Variants in LHX4 observed in about 807,000 individuals in gnomAD.
The protein encoded by LHX4 is LIM homeobox 4, also known as LIM/homeobox protein Lhx4.
In LHX4, 16 loss-of-function variants were observed where a neutral mutation model predicts 39.2. The ratio of observed to expected loss-of-function variants is 0.41; its 90% CI spans 0.28 to 0.62. The LOEUF (loss-of-function observed/expected upper bound fraction) is 0.62. LHX4 is among the 20% of genes least tolerant of loss of function. The probability of loss-of-function intolerance (pLI) is 0.33; values close to 1 mark genes in which losing one functional copy is unlikely to be tolerated. For missense variants in LHX4, 439 were observed against 511.9 expected, an observed-to-expected ratio of 0.86 and a Z score of 1.37; for synonymous variants, 206 against 198.1, an observed-to-expected ratio of 1.04 and a Z score of -0.33.
rs568613153 is a variant in LHX4, at chr1:180,232,835, G to A, written c.76+2230G>A. ...TGGGCCCAGTGGCCTAAGAAGGGGG[G>A]AAGCTCGAGGGGTTGTGGGGCACAC... On this transcript the variant is annotated intron_variant, in intron 1 of 5. Coordinates refer to ENST00000263726, the MANE Select transcript of LHX4 (RefSeq NM_033343.4). The surrounding 1 kb of genome is among the most constrained non-coding windows in gnomAD (Gnocchi z 5.4). 9.2e-5 allele frequency among the ~76,000 whole-genome samples: 14 copies of A among 152,348 alleles called. No homozygotes were observed. The South Asian group carries it at 2.9e-3, about 32-fold the overall frequency.
intron 1 of LHX4, among the ~76,000 whole-genome samples, 165 bp from the exon 2 acceptor site, chr1:180,248,120 G>A (rs1284526991): frequency 6.6e-6 from 1 of 152,188 alleles, no homozygotes; most frequent in Non-Finnish European, 1.5e-5. Flanking sequence ...GACTACGTAC[G>A]TTTGTGTGCA....
At chr1:180,253,859 T>G (rs1434788534) in intron 2 of LHX4, among the ~76,000 whole-genome samples, 1 of 152,170 alleles carries the variant, frequency 6.6e-6, no homozygotes, top group Non-Finnish European at 1.5e-5. Flanking sequence ...CCTTGAGAGC[T>G]TCCCATGGAG....
chr1:180,260,379 C>G (rs1333040442), intron 2 of LHX4, among the ~76,000 whole-genome samples: 2 of 151,788 alleles, frequency 1.3e-5, no homozygotes, highest in African/African-American at 4.9e-5. Context: ...TCGGTCCCTG[C>G]AGGGCCTGCC....
intron 1 of LHX4, among the ~76,000 whole-genome samples, chr1:180,243,021 C>G (rs1370249136): frequency 1.3e-5 from 2 of 152,068 alleles, no homozygotes; most frequent in Non-Finnish European, 2.9e-5. Context: ...CATTTTTTTG[C>G]TCTGTCATCC....
chr1:180,237,800 G>T (rs355631), intron 1 of LHX4, among the ~76,000 whole-genome samples: 9,067 of 152,222 alleles, frequency 0.06, 880 homozygotes, highest in African/African-American at 0.21. Flanking sequence ...AAAACTTGCA[G>T]CCAAATTAAT....
At chr1:180,267,732 A>G (rs1357316297) in intron 3 of LHX4, among the ~76,000 whole-genome samples, 2 of 152,174 alleles carry the variant, frequency 1.3e-5, no homozygotes, top group African/African-American at 4.8e-5. Flanking sequence ...ATTAACAACA[A>G]TTTTATGTAT....
At chr1:180,257,005 A>G (rs114310797) in intron 2 of LHX4, among the ~76,000 whole-genome samples, 259 of 152,360 alleles carry the variant, frequency 1.7e-3, no homozygotes, top group African/African-American at 6.0e-3. Context: ...GGTGCATATG[A>G]CATGATCCGT....
intron 1 of LHX4, among the ~76,000 whole-genome samples, chr1:180,245,972 C>G (rs1442232831): frequency 6.6e-6 from 1 of 151,434 alleles, no homozygotes; most frequent in Non-Finnish European, 1.5e-5. Context: ...ATTGACTGGA[C>G]TGCGTATTCC....
chr1:180,259,408 C>T (rs888301900), intron 2 of LHX4, among the ~76,000 whole-genome samples: 3 of 151,378 alleles, frequency 2.0e-5, no homozygotes, highest in Admixed American at 6.6e-5. Flanking sequence ...AGTCTCATTA[C>T]GTGAGAAGGA....
chr1:180,230,395 C>A lies in LHX4; in HGVS notation c.-135C>A. The stretch of plus-strand genomic sequence containing the variant: ...AGCCTGTGGAGTCCTCCCTGAGAAG[C>A]GGAGGGCCCGGCTTCCACCGTGACT... On this transcript the variant is annotated 5_prime_UTR_variant, in exon 1 of 6. Coordinates refer to ENST00000263726, the MANE Select transcript of LHX4 (RefSeq NM_033343.4). The surrounding 1 kb of genome is among the most constrained non-coding windows in gnomAD (Gnocchi z 5.8). 1.3e-6 allele frequency: 1 copy of A among 749,726 alleles called. No individual in the cohort carries two copies. Among genetic ancestry groups the A allele is most frequent in the Non-Finnish European group, 2.3e-6 (1 of 433,734 alleles). 46.4% of individuals were successfully genotyped at this position (749,726 alleles called of 1,614,324 possible).
Position 180,266,303 on chromosome 1 carries a change from G to T in LHX4, c.249-89G>T. The stretch of plus-strand genomic sequence containing the variant: ...GAGGCTCATGGAGTCCCGGAGTGGT[G>T]GGGTAGGAGGGAGGCTGCTCCAGGA... On this transcript the variant is annotated intron_variant, in intron 2 of 5. Transcript: ENST00000263726. The surrounding 1 kb of genome is among the most constrained non-coding windows in gnomAD (Gnocchi z 5.7). The T allele has an allele frequency of 7.8e-7, 1 of 1,275,690 alleles. No individual in the cohort carries two copies. Among genetic ancestry groups the T allele is most frequent in the Non-Finnish European group, 1.1e-6 (1 of 878,950 alleles). 79.0% of individuals were successfully genotyped at this position (1,275,690 alleles called of 1,614,324 possible).
Position 180,266,176 on chromosome 1 carries a change from C to T in LHX4, c.249-216C>T, listed in dbSNP as rs1233474845. 3.3e-5 allele frequency among the ~76,000 whole-genome samples: 5 copies of T among 152,192 alleles called. No individual in the cohort carries two copies. The highest frequency in any genetic ancestry group is 4.8e-5 in the African/African-American group (2 of 41,438). On this transcript the variant is annotated intron_variant, in intron 2 of 5. Coordinates refer to ENST00000263726, the MANE Select transcript of LHX4 (RefSeq NM_033343.4). The surrounding 1 kb of genome is among the most constrained non-coding windows in gnomAD (Gnocchi z 5.7). ...GGTACCTGAGGGAGACTCTAGTTCT[C>T]ATCAGTCCCTTCTTTGGTGGTTGAA...
intron 5 of LHX4, 79 bp downstream of exon 5, chr1:180,272,085 ATC>A (rs1648706750): frequency 1.5e-6 from 2 of 1,371,046 alleles, no homozygotes. Context: ...CTCAGGAGGG[ATC>A]TTTCTTGAGG....
chr1:180,274,405 G>T lies in LHX4; in HGVS notation c.999G>T (p.Thr333=). The part of the protein sequence containing the change: ...HAPLLNGLDY[T]VDSNLGIIAH... ...CTTTGCTCAATGGGCTGGATTACACGGTGGACAGTAATTTGGGCATCATTG... is the reference window on the plus strand; with the variant it reads ...CTTTGCTCAATGGGCTGGATTACACTGTGGACAGTAATTTGGGCATCATTG... Residue 333 remains threonine, a synonymous_variant, in exon 6 of 6, where the codon ACG becomes ACT. Transcript: ENST00000263726. 6.2e-7 allele frequency: 1 copy of T among 1,614,172 alleles called. No homozygotes were observed. The highest frequency in any genetic ancestry group is 8.5e-7 in the Non-Finnish European group (1 of 1,180,040).
At chr1:180,247,660 C>T (rs570077266) in intron 1 of LHX4, among the ~76,000 whole-genome samples, 1 of 152,160 alleles carries the variant, frequency 6.6e-6, no homozygotes, top group Non-Finnish European at 1.5e-5. Flanking sequence ...TCTGCAGCAC[C>T]GGAAGGCACA....
At chr1:180,254,374 G>T (rs1447745291) in intron 2 of LHX4, among the ~76,000 whole-genome samples, 1 of 152,208 alleles carries the variant, frequency 6.6e-6, no homozygotes, top group Admixed American at 6.5e-5. Flanking sequence ...ATCTCCCTCT[G>T]CTCCCCGCGG....
At chr1:180,257,624 C>T (rs1329329652) in intron 2 of LHX4, among the ~76,000 whole-genome samples, 1 of 152,200 alleles carries the variant, frequency 6.6e-6, no homozygotes, top group African/African-American at 2.4e-5. Flanking sequence ...ATATCAGCAA[C>T]TTTCCTGTCA....
At chr1:180,255,070 C>G (rs12089591) in intron 2 of LHX4, among the ~76,000 whole-genome samples, 9,166 of 152,300 alleles carry the variant, frequency 0.06, 963 homozygotes, top group African/African-American at 0.21. Context: ...CCTGTGTGGT[C>G]CAGAGCTGTG....
intron 2 of LHX4, among the ~76,000 whole-genome samples, chr1:180,249,518 C>T (rs140978280): frequency 0.013 from 1,946 of 152,276 alleles, 22 homozygotes; most frequent in Non-Finnish European, 0.019. Flanking sequence ...GCCCAGGGGG[C>T]GCCAGGGAGG....
Sources: allele counts gnomAD v4.1 joint callset (sites outside exome capture counted in the v4.1 genomes callset), GRCh38; gene constraint gnomAD v4.1.1; non-coding constraint Gnocchi (gnomAD v3.1); transcripts MANE v1.5; gene names NCBI Gene and HGNC (gene_info 2026-07-23, HGNC 2026-07-21).